MARCHF4: variants seen among roughly 807,000 people sequenced by gnomAD.
MARCHF4 encodes E3 ubiquitin-protein ligase MARCHF4.
MARCHF4 carries 14 observed loss-of-function variants against 43.9 expected under a neutral mutation model. The ratio of observed to expected loss-of-function variants is 0.32; its 90% confidence interval spans 0.21 to 0.50. MARCHF4 has a LOEUF of 0.50. MARCHF4 is among the 20% of genes least tolerant of loss of function. MARCHF4 has a pLI of 0.98. For synonymous variants in MARCHF4, 226 were observed against 213.3 expected, an observed-to-expected ratio of 1.06 and a Z score of -0.52; for missense variants, 468 against 536.7, an observed-to-expected ratio of 0.87 and a Z score of 1.27.
chr2:216,275,511 T>C (rs948668546), intron 3 of MARCHF4, among the ~76,000 whole-genome samples: 9 of 152,204 alleles, frequency 5.9e-5, no homozygotes, highest in African/African-American at 2.2e-4. Context: ...CACTGGGTTG[T>C]GAGTCAGGAG....
At chr2:216,286,793 C>T (rs1046605145) in intron 1 of MARCHF4, among the ~76,000 whole-genome samples, 2 of 152,192 alleles carry the variant, frequency 1.3e-5, no homozygotes, top group Non-Finnish European at 2.9e-5. Context: ...TTGCCAACTA[C>T]TGGTCAGACC....
intron 1 of MARCHF4, among the ~76,000 whole-genome samples, chr2:216,336,270 T>C (rs868362837): frequency 1.3e-5 from 2 of 152,034 alleles, no homozygotes; most frequent in Non-Finnish European, 1.5e-5. Context: ...AACCGAAAGA[T>C]TTTTGTTTAA....
intron 2 of MARCHF4, 63 bp from the exon 3 acceptor site, chr2:216,277,927 C>T (rs1691054929): frequency 7.0e-7 from 1 of 1,438,836 alleles, no homozygotes; most frequent in Non-Finnish European, 9.5e-7. Flanking sequence ...TCCCACCCCT[C>T]TTCTGTCTGC....
chr2:216,355,312 A>G (rs1180730584), intron 1 of MARCHF4, among the ~76,000 whole-genome samples: 1 of 152,084 alleles, frequency 6.6e-6, no homozygotes, highest in Non-Finnish European at 1.5e-5. Flanking sequence ...TAACCAAACA[A>G]TATGGAAACT....
chr2:216,261,956 T>C (rs1690749002), intron 3 of MARCHF4, among the ~76,000 whole-genome samples: 1 of 152,184 alleles, frequency 6.6e-6, no homozygotes, highest in South Asian at 2.1e-4. Context: ...AGTGACTCTT[T>C]ACAATGTTAT....
chr2:216,316,967 C>A (rs1691787684), intron 1 of MARCHF4, among the ~76,000 whole-genome samples: 1 of 152,136 alleles, frequency 6.6e-6, no homozygotes, highest in East Asian at 1.9e-4. Context: ...TAAGCATGAC[C>A]AGCATGGGAT....
rs1033915019 is a variant in MARCHF4, at chr2:216,370,054, C to G, written c.207G>C (p.Gln69His). The change falls in exon 1 of 4, where the codon CAG becomes CAC. Residue 69 changes from glutamine to histidine, a missense_variant. Transcript: ENST00000273067. ...TGTTGTTGGCCGCCAAACCGGGGGG[C>G]TGGGGGTCGCCGTGCATGGGCAGGG... ...QAPLPMHGDP[Q>H]PPGLAANNTL... The G allele has an allele frequency of 6.4e-7, 1 of 1,557,892 alleles. No homozygotes were observed. The highest frequency in any genetic ancestry group is 8.7e-7 in the Non-Finnish European group (1 of 1,150,224).
chr2:216,339,738 C>T (rs917537970), intron 1 of MARCHF4, among the ~76,000 whole-genome samples: 2 of 152,086 alleles, frequency 1.3e-5, no homozygotes, highest in African/African-American at 4.8e-5. Flanking sequence ...ATGGGGCAGG[C>T]ACTGACTTAG....
At chr2:216,360,072 AG>A (rs1216471857) in intron 1 of MARCHF4, among the ~76,000 whole-genome samples, 3 of 152,122 alleles carry the variant, frequency 2.0e-5, no homozygotes, top group African/African-American at 7.2e-5. Flanking sequence ...GAATTCTCAA[AG>A]TCAGAGATTG....
In MARCHF4 at chr2:216,369,747, G is replaced by A; in HGVS notation, c.514C>T (p.Gln172Ter). The part of the protein sequence containing the change: ...LCRICFQGPE[Q>*]GELLSPCRCD... Reference sequence around the variant, plus strand: ...GGAGAAGAGAAAAGGGGACTCACCTGTTCTGGCCCCTGGAAGCAGATGCGG... The same window carrying A: ...GGAGAAGAGAAAAGGGGACTCACCTATTCTGGCCCCTGGAAGCAGATGCGG... Residue 172 changes from glutamine (Q) to a stop codon, truncating the protein, a stop_gained and splice_region_variant, in exon 1 of 4, where the codon CAG becomes TAG. Coordinates refer to ENST00000273067, the MANE Select transcript of MARCHF4 (RefSeq NM_020814.3). LOFTEE classifies it high-confidence loss of function. The A allele has an allele frequency of 6.3e-7, 1 of 1,587,516 alleles. No individual in the cohort carries two copies. The highest frequency in any genetic ancestry group is 8.6e-7 in the Non-Finnish European group (1 of 1,163,228).
intron 1 of MARCHF4, among the ~76,000 whole-genome samples, chr2:216,307,995 G>A (rs1015630334): frequency 7.9e-5 from 12 of 152,164 alleles, no homozygotes; most frequent in African/African-American, 2.4e-4. Flanking sequence ...GTTCAAGGCT[G>A]CAGTGAGCTA....
At chr2:216,287,082 T>G (rs1444792461) in intron 1 of MARCHF4, among the ~76,000 whole-genome samples, 1 of 152,188 alleles carries the variant, frequency 6.6e-6, no homozygotes, top group Non-Finnish European at 1.5e-5. Flanking sequence ...CTGCCCCACC[T>G]GCACCTGTGC....
intron 3 of MARCHF4, 51 bp downstream of exon 3, chr2:216,277,621 C>G: frequency 1.3e-6 from 2 of 1,527,674 alleles, no homozygotes; most frequent in Non-Finnish European, 1.8e-6. Flanking sequence ...TCTGTCCATC[C>G]CACGAGCACA....
At chr2:216,289,792 T>G (rs1464796055) in intron 1 of MARCHF4, among the ~76,000 whole-genome samples, 3 of 152,128 alleles carry the variant, frequency 2.0e-5, no homozygotes, top group African/African-American at 7.2e-5. Context: ...AGTTTGGAAA[T>G]CAGAGAGAAT....
In MARCHF4 at chr2:216,289,598, T is replaced by C. The variant is rs1691275533; in HGVS notation, c.517-5869A>G. On this transcript the variant is annotated intron_variant, in intron 1 of 3. Coordinates refer to ENST00000273067, the MANE Select transcript of MARCHF4 (RefSeq NM_020814.3). The stretch of plus-strand genomic sequence containing the variant: ...TTCTGTTTATTTTGAGCTTGTTTCA[T>C]TTTTCACATCTTTCAGTCTGAAGGT... Among the ~76,000 whole-genome samples the C allele has an allele frequency of 2.6e-5, 4 of 152,360 alleles. No homozygotes were observed. The South Asian group carries it at 8.3e-4, about 32-fold the overall frequency.
intron 3 of MARCHF4, among the ~76,000 whole-genome samples, chr2:216,267,136 T>C (rs756418281): frequency 2.6e-4 from 39 of 152,176 alleles, no homozygotes; most frequent in Non-Finnish European, 4.0e-4. Context: ...CAGAGATGGC[T>C]AACGGTCCAC....
chr2:216,349,669 G>A (rs890088727), intron 1 of MARCHF4, among the ~76,000 whole-genome samples: 1 of 152,148 alleles, frequency 6.6e-6, no homozygotes, highest in Non-Finnish European at 1.5e-5. Context: ...GGGGAAGAAT[G>A]CCTTTGAATG....
chr2:216,268,514 C>T (rs970596566), intron 3 of MARCHF4, among the ~76,000 whole-genome samples: 3 of 152,226 alleles, frequency 2.0e-5, no homozygotes, highest in Non-Finnish European at 2.9e-5. Flanking sequence ...CTTCATTCTT[C>T]TCTCTCCTGC....
At chr2:216,363,043 C>T (rs543417286) in intron 1 of MARCHF4, among the ~76,000 whole-genome samples, 3 of 152,170 alleles carry the variant, frequency 2.0e-5, no homozygotes, top group Non-Finnish European at 4.4e-5. Context: ...ATCTCACAGG[C>T]CACAGCTGGG....
Sources: allele counts gnomAD v4.1 joint callset (sites outside exome capture counted in the v4.1 genomes callset), GRCh38; gene constraint gnomAD v4.1.1; transcripts MANE v1.5; gene names NCBI Gene and HGNC (gene_info 2026-07-23, HGNC 2026-07-21).